The following PSEN1 variants were observed in gnomAD, a reference collection of about 807,000 sequenced individuals.
PSEN1 encodes presenilin-1.
Under a neutral mutation model 53.5 loss-of-function variants are expected in PSEN1, and 15 were observed. That is an observed-to-expected ratio of 0.28 (90% confidence interval 0.19 to 0.43). The LOEUF is 0.43. Ranked by LOEUF, PSEN1 falls within the 20% of genes least tolerant of loss-of-function variation. The probability of loss-of-function intolerance (pLI) is 1.00; values close to 1 mark genes in which losing one functional copy is unlikely to be tolerated. For missense variants in PSEN1, 387 were observed against 571.2 expected (o/e 0.68, Z 3.29); for synonymous variants, 208 against 209.8 (o/e 0.99, Z 0.08).
chr14:73,172,737 C>T (rs564626869), intron 4 of PSEN1, among the ~76,000 whole-genome samples: 1 of 152,352 alleles, frequency 6.6e-6, no homozygotes, highest in Admixed American at 6.5e-5. Context: ...CACATACTTT[C>T]TCTCTCATAG....
At chr14:73,177,547 G>A (rs1310769374) in intron 5 of PSEN1, among the ~76,000 whole-genome samples, 1 of 152,138 alleles carries the variant, frequency 6.6e-6, no homozygotes, top group African/African-American at 2.4e-5. Context: ...CTTTAGTAAT[G>A]CTTTTAGAGC....
intron 3 of PSEN1, chr14:73,159,865 C>G (rs1897477463): frequency 6.5e-6 from 1 of 152,982 alleles, no homozygotes; most frequent in Non-Finnish European, 1.5e-5. Context: ...CTCCGTTGCC[C>G]AGGCTAGAGT....
chr14:73,162,249 G>A (rs1229043410), intron 3 of PSEN1, among the ~76,000 whole-genome samples: 1 of 151,298 alleles, frequency 6.6e-6, no homozygotes, highest in Non-Finnish European at 1.5e-5. Flanking sequence ...GATAATAAGA[G>A]AAATAGATAT....
chr14:73,138,037 A>C (rs374096090), intron 1 of PSEN1: 1 of 151,140 alleles, frequency 6.6e-6, no homozygotes, highest in Admixed American at 6.6e-5. Context: ...ATGCCACTGC[A>C]CTGCAGCCTG....
At chr14:73,142,796 A>G (rs1357928799) in intron 1 of PSEN1, among the ~76,000 whole-genome samples, 2 of 152,232 alleles carry the variant, frequency 1.3e-5, no homozygotes, top group African/African-American at 4.8e-5. Flanking sequence ...TATATAATAG[A>G]TAAATGCTAG....
At chr14:73,137,387 G>A (rs1896777274) in intron 1 of PSEN1, among the ~76,000 whole-genome samples, 1 of 152,194 alleles carries the variant, frequency 6.6e-6, no homozygotes, top group Admixed American at 6.5e-5. Context: ...AGGAAGTTAG[G>A]AAGAAAGACC....
chr14:73,213,194 C>T (rs1311297593), intron 10 of PSEN1, among the ~76,000 whole-genome samples: 1 of 152,126 alleles, frequency 6.6e-6, no homozygotes, highest in Non-Finnish European at 1.5e-5. Flanking sequence ...CTTTAGCTTG[C>T]CTTTGCTGGG....
rs1468131501 is a variant in PSEN1, at chr14:73,186,930, G to A, written c.548+10G>A. 1 of 1,606,616 alleles carries A rather than the reference G, an allele frequency of 6.2e-7. No individual in the cohort carries two copies. Among genetic ancestry groups the A allele is most frequent in the East Asian group, 2.2e-5 (1 of 44,826 alleles). On this transcript the variant is annotated intron_variant, in intron 6 of 11. Coordinates refer to ENST00000324501, the MANE Select transcript of PSEN1 (RefSeq NM_000021.4). Reference sequence around the variant, plus strand: ...CATTCATTTACTTGGGGTAAGTTGTGAAATTTTTGGTCTGTCTTTCAGAAT... The same window carrying A: ...CATTCATTTACTTGGGGTAAGTTGTAAAATTTTTGGTCTGTCTTTCAGAAT...
In PSEN1 at chr14:73,223,563, A is replaced by G. The variant is rs1343121722; in HGVS notation, c.*4274A>G. On this transcript the variant is annotated 3_prime_UTR_variant, in exon 12 of 12. Coordinates refer to ENST00000324501, the MANE Select transcript of PSEN1 (RefSeq NM_000021.4). ...TCTGCTTCTGTGGACACTGCTTTGT[A>G]CTTAATTCAGACAGACTGTGAATAC... 5 of 152,176 alleles carry G rather than the reference A, an allele frequency of 3.3e-5. No homozygotes were observed. The highest frequency in any genetic ancestry group is 1.2e-4 in the African/African-American group (5 of 41,442). The allele number at this position is 152,176 out of a possible 1,614,324, so 9.4% of individuals were successfully genotyped here. A position where few individuals can be genotyped will look rare whatever the true frequency, so the allele number is the denominator to read the frequency against.
At position 73,148,039 on chromosome 14, in the gene PSEN1, C is replaced by T. The variant is rs1313248233; in HGVS notation, c.20C>T (p.Pro7Leu). The T allele has an allele frequency of 1.2e-6, 2 of 1,613,646 alleles. No homozygotes were observed. Among genetic ancestry groups the T allele is most frequent in the Admixed American group, 1.7e-5 (1 of 60,012 alleles). MTELPA[P>L]LSYFQNAQMS... is the part of the protein sequence containing the mutation. ...GCTCCAATGACAGAGTTACCTGCAC[C>T]GTTGTCCTACTTCCAGAATGCACAG... The change falls in exon 3 of 12, where the codon CCG becomes CTG. Residue 7 changes from proline to leucine, a missense_variant. Around this residue, in one of 4 missense-constraint regions of PSEN1, gnomAD observed 99 missense variants for 101.5 expected, o/e 0.98. Coordinates refer to ENST00000324501, the MANE Select transcript of PSEN1 (RefSeq NM_000021.4).
intron 8 of PSEN1, among the ~76,000 whole-genome samples, chr14:73,200,577 T>C (rs951230257): frequency 6.6e-5 from 10 of 152,206 alleles, no homozygotes; most frequent in Admixed American, 6.5e-4. Context: ...ATCTTAATTA[T>C]ACAAGTAATT....
intron 1 of PSEN1, chr14:73,139,239 C>A (rs1207473432): frequency 6.7e-6 from 1 of 149,214 alleles, no homozygotes; most frequent in Non-Finnish European, 1.5e-5. Context: ...GCCGAGATCG[C>A]GCCACTGCAC....
intron 1 of PSEN1, chr14:73,147,359 C>G (rs768634772): frequency 6.5e-6 from 1 of 153,972 alleles, no homozygotes; most frequent in Non-Finnish European, 1.4e-5. Context: ...GGATTCCCTT[C>G]TCCTTTTGTA....
At chr14:73,196,551 G>T (rs1279586178) in intron 7 of PSEN1, among the ~76,000 whole-genome samples, 1 of 136,998 alleles carries the variant, frequency 7.3e-6, no homozygotes, top group Admixed American at 8.4e-5. Context: ...TTGGCTCACT[G>T]CAGCCTCCAC....
intron 5 of PSEN1, among the ~76,000 whole-genome samples, chr14:73,182,507 TA>T (rs924149870): frequency 6.0e-4 from 89 of 147,852 alleles, no homozygotes; most frequent in East Asian, 1.6e-3. Flanking sequence ...AAAAAATAAT[TA>T]AAAAAAAAAT....
At chr14:73,185,833 G>A (rs1360666631) in intron 5 of PSEN1, among the ~76,000 whole-genome samples, 3 of 152,102 alleles carry the variant, frequency 2.0e-5, no homozygotes, top group Non-Finnish European at 4.4e-5. Flanking sequence ...ACAGGCATGA[G>A]TCACTGCGCC....
intron 5 of PSEN1, among the ~76,000 whole-genome samples, chr14:73,183,902 G>A (rs1297470522): frequency 0.018 from 2,246 of 127,920 alleles, 33 homozygotes; most frequent in African/African-American, 0.056. Context: ...CACCTCCCGG[G>A]CGGGGCGGCT....
chr14:73,189,783 G>A (rs1022506917), intron 6 of PSEN1: 2 of 230,358 alleles, frequency 8.7e-6, no homozygotes, highest in Non-Finnish European at 1.8e-5. Flanking sequence ...TGCCAGCTGA[G>A]GTCCTGCCCC....
intron 6 of PSEN1, among the ~76,000 whole-genome samples, chr14:73,189,506 G>A (rs1186213164): frequency 6.6e-6 from 1 of 152,098 alleles, no homozygotes; most frequent in African/African-American, 2.4e-5. Context: ...CAGCTACTCT[G>A]GAGGCTGAGG....
Sources: allele counts gnomAD v4.1 joint callset (sites outside exome capture counted in the v4.1 genomes callset), GRCh38; gene constraint gnomAD v4.1.1; regional missense constraint gnomAD v4.1.1; transcripts MANE v1.5; gene names NCBI Gene and HGNC (gene_info 2026-07-23, HGNC 2026-07-21).